MTA3: variants seen among roughly 807,000 people sequenced by gnomAD.
The protein encoded by MTA3 is metastasis-associated protein MTA3.
A neutral mutation model predicts 83.5 loss-of-function variants in MTA3; 34 were observed. The observed-to-expected ratio is 0.41, with a 90% CI of 0.31 to 0.54. The LOEUF is 0.54. Among genes scored for constraint, MTA3 ranks in the 20% least tolerant of loss-of-function variants. The pLI is 0.33. For synonymous variants in MTA3, 303 were observed against 252.7 expected (o/e 1.20, Z -1.89); for missense variants, 761 against 726.4 (o/e 1.05, Z -0.55).
chr2:42,587,684 C>T (rs1680506072), intron 3 of MTA3, among the ~76,000 whole-genome samples: 1 of 152,136 alleles, frequency 6.6e-6, no homozygotes, highest in Non-Finnish European at 1.5e-5. Flanking sequence ...GAAACCGCTG[C>T]CTTGAGGTAG....
At chr2:42,511,069 T>C (rs918081659) in intron 2 of MTA3, among the ~76,000 whole-genome samples, 1 of 152,132 alleles carries the variant, frequency 6.6e-6, no homozygotes, top group African/African-American at 2.4e-5. Context: ...CCCACAATCC[T>C]AGCCCTCCTC....
chr2:42,511,353 CAAAA>C (rs368131308), intron 2 of MTA3, among the ~76,000 whole-genome samples: 1 of 129,234 alleles, frequency 7.7e-6, no homozygotes, highest in East Asian at 2.3e-4. Context: ...CTTTCTACGT[CAAAA>C]AAAAAAAAAA....
At chr2:42,727,624 G>A (rs1667921186) in intron 16 of MTA3, among the ~76,000 whole-genome samples, 7 of 152,146 alleles carry the variant, frequency 4.6e-5, no homozygotes, top group Admixed American at 4.6e-4. Flanking sequence ...AGGGGTATCT[G>A]AGTGTTTGGA....
chr2:42,553,930 A>T (rs1677255631), intron 2 of MTA3, among the ~76,000 whole-genome samples: 1 of 150,470 alleles, frequency 6.6e-6, no homozygotes, highest in East Asian at 2.0e-4. Flanking sequence ...AGAAAAAAAA[A>T]ACAAAACAAA....
chr2:42,603,903 A>G (rs911836640), intron 3 of MTA3, among the ~76,000 whole-genome samples: 20 of 151,996 alleles, frequency 1.3e-4, no homozygotes, highest in African/African-American at 4.8e-4. Context: ...GGCGCCCACC[A>G]TCTCACCTGG....
At chr2:42,707,109 G>T (rs1436558150) in intron 12 of MTA3, among the ~76,000 whole-genome samples, 1 of 151,716 alleles carries the variant, frequency 6.6e-6, no homozygotes, top group Non-Finnish European at 1.5e-5. Flanking sequence ...GGACTACAGG[G>T]GTTCACCACC....
intron 4 of MTA3, among the ~76,000 whole-genome samples, chr2:42,638,862 C>T (rs1332843461): frequency 6.7e-6 from 1 of 148,410 alleles, no homozygotes; most frequent in South Asian, 2.1e-4. Flanking sequence ...CTACAGTGAT[C>T]ACCAGAAAAA....
chr2:42,523,511 CT>C (rs1675526229), intron 2 of MTA3, among the ~76,000 whole-genome samples: 1 of 152,188 alleles, frequency 6.6e-6, no homozygotes, highest in African/African-American at 2.4e-5. Flanking sequence ...CCCTCAGTGA[CT>C]TCAAGAGCAG....
chr2:42,625,689 G>T (rs1686005156), intron 4 of MTA3, among the ~76,000 whole-genome samples: 1 of 146,652 alleles, frequency 6.8e-6, no homozygotes, highest in South Asian at 2.2e-4. Context: ...GGAGGTTGCA[G>T]TGAACCGAGA....
chr2:42,497,599 A>T (rs1389379378), intron 2 of MTA3, among the ~76,000 whole-genome samples: 2 of 151,846 alleles, frequency 1.3e-5, no homozygotes, highest in African/African-American at 4.8e-5. Context: ...AAAAAAAAAA[A>T]GTCCAGATTG....
At chr2:42,571,435 C>T (rs937217843) in intron 2 of MTA3, among the ~76,000 whole-genome samples, 4 of 148,934 alleles carry the variant, frequency 2.7e-5, no homozygotes, top group African/African-American at 7.4e-5. Context: ...GAGTTATGCA[C>T]GATTCTGAAT....
At chr2:42,494,743 G>C (rs895272548) in exon 1 of MTA3, 8 of 152,582 alleles carry the variant, frequency 5.2e-5, no homozygotes, top group African/African-American at 1.9e-4. Context: ...CTTGTCACCG[G>C]CAAAAACAGC....
chr2:42,633,326 G>A (rs1686865076), intron 4 of MTA3, among the ~76,000 whole-genome samples: 1 of 151,922 alleles, frequency 6.6e-6, no homozygotes, highest in Admixed American at 6.6e-5. Flanking sequence ...GCTCATGCCT[G>A]TAATCCCAGC....
intron 5 of MTA3, 45 bp from the exon 6 acceptor site, chr2:42,644,082 G>A (rs745408491): frequency 8.7e-7 from 1 of 1,150,118 alleles, no homozygotes; most frequent in Admixed American, 2.2e-5. Context: ...TTTATAAGAA[G>A]TAGAAGGAAT....
upstream of MTA3, among the ~76,000 whole-genome samples, chr2:42,565,664 C>A (rs951353453): frequency 6.6e-6 from 1 of 152,092 alleles, no homozygotes; most frequent in Admixed American, 6.6e-5. Flanking sequence ...AGAGAAGGGA[C>A]CTAACGCATA....
chr2:42,518,968 AACAC>A (rs60877713), intron 2 of MTA3, among the ~76,000 whole-genome samples: 6,004 of 114,324 alleles, frequency 0.053, 213 homozygotes, highest in Non-Finnish European at 0.071. Flanking sequence ...CCTTTCTCAA[AACAC>A]ACACACACAC....
At chr2:42,727,079 C>G (rs1290522017) in intron 16 of MTA3, among the ~76,000 whole-genome samples, 1 of 152,258 alleles carries the variant, frequency 6.6e-6, no homozygotes, top group South Asian at 2.1e-4. Context: ...ACCCACAGTT[C>G]TAGCTACTTG....
chr2:42,729,755 G>T (rs1668118540), intron 16 of MTA3, among the ~76,000 whole-genome samples: 2 of 152,152 alleles, frequency 1.3e-5, no homozygotes, highest in South Asian at 2.1e-4. Flanking sequence ...CTTTTGTTCA[G>T]AATAGCTTTG....
chr2:42,705,756 G>A lies in MTA3; in HGVS notation c.1150+1438G>A, dbSNP rs145173349. On this transcript the variant is annotated intron_variant, in intron 12 of 16. Coordinates refer to ENST00000405094, the MANE Select transcript of MTA3 (RefSeq NM_001330442.2). ...ACTTGCAAACCCCTTTCACACTCAC[G>A]TATATCCCCTTAAATGATTATTCTG... Among the ~76,000 whole-genome samples, 596 of 151,708 alleles carry A rather than the reference G, an allele frequency of 3.9e-3. 2 individuals are homozygous for A. The highest frequency in any genetic ancestry group is 0.02 in the South Asian group (95 of 4,810).
Sources: allele counts gnomAD v4.1 joint callset (sites outside exome capture counted in the v4.1 genomes callset), GRCh38; gene constraint gnomAD v4.1.1; transcripts MANE v1.5; gene names NCBI Gene and HGNC (gene_info 2026-07-23, HGNC 2026-07-21).